DMD: variants seen among roughly 807,000 people sequenced by gnomAD.
DMD encodes dystrophin.
DMD carries 63 observed loss-of-function variants against 330.1 expected under a neutral mutation model. The ratio of observed to expected loss-of-function variants is 0.19; its 90% confidence interval spans 0.16 to 0.24. The LOEUF (loss-of-function observed/expected upper bound fraction) is 0.24. DMD is among the 10% of genes least tolerant of loss of function. The pLI, the probability that DMD is intolerant of heterozygous loss-of-function variation, is 1.00. For synonymous variants in DMD, 1,223 were observed against 959.8 expected, an observed-to-expected ratio of 1.27 and a Z score of -5.07; for missense variants, 3,344 against 2,684.1, an observed-to-expected ratio of 1.25 and a Z score of -5.43.
At chrX:33,033,554 C>CA (rs775790760) in intron 1 of DMD, among the ~76,000 whole-genome samples, 8,254 of 74,436 alleles carry the variant, frequency 0.11, 582 homozygotes, top group African/African-American at 0.16. Flanking sequence ...ACTAAAAATA[C>CA]AAAAAAAAAA....
At chrX:31,296,561 C>G in intron 62 of DMD, among the ~76,000 whole-genome samples, 2 of 111,537 alleles carry the variant, frequency 1.8e-5, no homozygotes, top group Non-Finnish European at 3.8e-5. Flanking sequence ...ATTTCTAGCA[C>G]AGAACTATTT....
chrX:33,166,779 A>ATT (rs1302934984), intron 1 of DMD, among the ~76,000 whole-genome samples: 176 of 107,003 alleles, frequency 1.6e-3, no homozygotes, highest in African/African-American at 5.7e-3. Flanking sequence ...ATATATATAT[A>ATT]TTTTTTTTCC....
At chrX:32,481,540 T>A (rs1287906378) in intron 21 of DMD, among the ~76,000 whole-genome samples, 1 of 111,857 alleles carries the variant, frequency 8.9e-6, no homozygotes, top group African/African-American at 3.2e-5. Flanking sequence ...TCCTAATCTT[T>A]CATTGATTTG....
chrX:31,523,156 G>A (rs2072984376), intron 55 of DMD, among the ~76,000 whole-genome samples: 1 of 111,227 alleles, frequency 9.0e-6, no homozygotes, highest in Admixed American at 9.6e-5. Flanking sequence ...AAGTGATGCC[G>A]ATACTGCTAG....
At chrX:33,312,520 G>T (rs2053865628) in intron 1 of DMD, among the ~76,000 whole-genome samples, 1 of 111,689 alleles carries the variant, frequency 9.0e-6, no homozygotes, top group Non-Finnish European at 1.9e-5. Flanking sequence ...TTTTAGTACT[G>T]TTGGAAAGTG....
At chrX:33,327,806 G>C (rs1205174144) in intron 1 of DMD, among the ~76,000 whole-genome samples, 2 of 111,566 alleles carry the variant, frequency 1.8e-5, no homozygotes, top group Non-Finnish European at 3.8e-5. Flanking sequence ...TCTGATTAGA[G>C]CTGTTTCACA....
At chrX:33,038,521 C>T (rs1260779252) in intron 1 of DMD, among the ~76,000 whole-genome samples, 1 of 111,914 alleles carries the variant, frequency 8.9e-6, no homozygotes, top group Non-Finnish European at 1.9e-5. Flanking sequence ...CATCTCACTG[C>T]TCATGGGCCA....
chrX:32,945,698 A>T (rs973077696), intron 2 of DMD, among the ~76,000 whole-genome samples: 1 of 111,621 alleles, frequency 9.0e-6, no homozygotes, highest in African/African-American at 3.2e-5. Context: ...TTACATTGCT[A>T]AAAGTTTTGT....
At chrX:32,406,680 T>A in intron 30 of DMD, among the ~76,000 whole-genome samples, 1 of 111,120 alleles carries the variant, frequency 9.0e-6, no homozygotes, top group Non-Finnish European at 1.9e-5. Context: ...GATTTTTGCA[T>A]CGATGTTCAT....
At chrX:32,612,973 A>C (rs965420559) in intron 12 of DMD, among the ~76,000 whole-genome samples, 5 of 111,434 alleles carry the variant, frequency 4.5e-5, no homozygotes, top group Non-Finnish European at 9.4e-5. Flanking sequence ...AAGAACTGTA[A>C]AGCTATATAT....
Position 32,815,520 on chromosome X carries a change from T to TAC in DMD, c.530+946_530+947dup, listed in dbSNP as rs1557051739. The stretch of plus-strand genomic sequence containing the variant: ...ATATATATATATATATATATATATA[T>TAC]ACACACACACACACACATATATATA... On this transcript the variant is annotated intron_variant, in intron 6 of 78. Transcript: ENST00000357033. Among the ~76,000 whole-genome samples the TAC allele has an allele frequency of 3.3e-3, 259 of 78,916 alleles. 3 individuals are homozygous for TAC. The highest frequency in any genetic ancestry group is 6.7e-3 in the South Asian group (12 of 1,792). 68.5% of individuals were successfully genotyped at this position (78,916 alleles called of 115,157 possible). A position where few individuals can be genotyped will look rare whatever the true frequency, so the allele number is the denominator to read the frequency against.
intron 1 of DMD, among the ~76,000 whole-genome samples, chrX:33,287,708 C>T (rs1157788037): frequency 1.8e-5 from 2 of 111,278 alleles, no homozygotes; most frequent in Non-Finnish European, 3.8e-5. Context: ...GAATGTAGAG[C>T]ACTAGGCCAG....
chrX:31,712,493 T>C (rs768519868), intron 52 of DMD, among the ~76,000 whole-genome samples: 76 of 111,764 alleles, frequency 6.8e-4, no homozygotes, highest in African/African-American at 2.3e-3. Context: ...GAAAAGCTCA[T>C]GTCTTTGTTA....
intron 43 of DMD, among the ~76,000 whole-genome samples, chrX:32,237,017 T>C (rs1245183296): frequency 8.9e-6 from 1 of 112,009 alleles, no homozygotes; most frequent in Non-Finnish European, 1.9e-5. Context: ...TGAGCCTATG[T>C]CTTTTCTTTG....
intron 7 of DMD, among the ~76,000 whole-genome samples, chrX:32,728,854 G>T (rs781768012): frequency 1.8e-5 from 2 of 111,493 alleles, no homozygotes; most frequent in Non-Finnish European, 3.8e-5. Context: ...AAGGCCTGAC[G>T]TTGGCCATAG....
chrX:32,606,798 A>G (rs903437249), intron 12 of DMD, among the ~76,000 whole-genome samples: 2 of 59,928 alleles, frequency 3.3e-5, no homozygotes, highest in African/African-American at 4.6e-4. Flanking sequence ...ACAGAACACT[A>G]CACAGCCTAA....
intron 62 of DMD, among the ~76,000 whole-genome samples, chrX:31,277,062 C>G (rs781143860): frequency 2.6e-4 from 29 of 110,753 alleles, no homozygotes; most frequent in South Asian, 3.9e-4. Flanking sequence ...TTTTAATTGA[C>G]AAATAAAAAT....
At chrX:33,010,219 CATATGTGTGT>C (rs1397286085) in intron 2 of DMD, among the ~76,000 whole-genome samples, 1 of 92,179 alleles carries the variant, frequency 1.1e-5, no homozygotes, top group African/African-American at 5.3e-5. Flanking sequence ...TGTATATGTA[CATATGTGTGT>C]ATATATGTAC....
At chrX:32,086,330 G>T (rs1280818073) in intron 44 of DMD, among the ~76,000 whole-genome samples, 1 of 111,667 alleles carries the variant, frequency 9.0e-6, no homozygotes, top group Admixed American at 9.5e-5. Context: ...ATAGAGTACA[G>T]ATCTCTAAAA....
Sources: gnomAD v4.1 joint callset for allele counts (sites outside exome capture counted in the v4.1 genomes callset) on GRCh38, gnomAD v4.1.1 for gene constraint, MANE v1.5 for transcripts, NCBI Gene and HGNC (gene_info 2026-07-23, HGNC 2026-07-21) for gene names.